Variants in ZNF341 observed in about 807,000 individuals in gnomAD.
ZNF341 encodes the protein zinc finger protein 341.
A neutral mutation model predicts 87.7 loss-of-function variants in ZNF341; 52 were observed. The observed-to-expected ratio is 0.59, with a 90% CI of 0.47 to 0.75. The LOEUF is 0.75. ZNF341 is among the 30% of genes least tolerant of loss of function. The pLI, the probability that ZNF341 is intolerant of heterozygous loss-of-function variation, is 0.00. For missense variants in ZNF341, 977 were observed against 1,145.9 expected (o/e 0.85, Z 2.13); for synonymous variants, 459 against 472.7 (o/e 0.97, Z 0.38).
chr20:33,781,233 C>A (rs542183776), intron 10 of ZNF341, 58 bp from the exon 11 acceptor site: 2 of 1,377,506 alleles, frequency 1.5e-6, no homozygotes, highest in South Asian at 2.3e-5. Flanking sequence ...GTGGCCGGGG[C>A]GCTGCTTCCT....
chr20:33,748,802 GTGCCA>G, intron 3 of ZNF341, 116 bp from the exon 4 acceptor site: 1 of 951,476 alleles, frequency 1.1e-6, no homozygotes, highest in Non-Finnish European at 1.5e-6. Context: ...TGGATCTTTT[GTGCCA>G]TGCCCTCGGC....
intron 2 of ZNF341, among the ~76,000 whole-genome samples, chr20:33,744,525 A>C (rs1175007651): frequency 1.3e-5 from 2 of 152,074 alleles, no homozygotes; most frequent in African/African-American, 4.8e-5. Flanking sequence ...AACATACTTT[A>C]CTGTTTTTTG....
chr20:33,770,712 G>A (rs1406329957), intron 10 of ZNF341, among the ~76,000 whole-genome samples: 2 of 152,152 alleles, frequency 1.3e-5, no homozygotes, highest in East Asian at 1.9e-4. Context: ...AGGGTGTGGC[G>A]GCCCACATCT....
At chr20:33,747,883 A>T (rs1641284465) in intron 3 of ZNF341, among the ~76,000 whole-genome samples, 1 of 150,328 alleles carries the variant, frequency 6.7e-6, no homozygotes, top group African/African-American at 2.4e-5. Flanking sequence ...TTTATTGGAG[A>T]TGGGGTTTCA....
intron 9 of ZNF341, among the ~76,000 whole-genome samples, chr20:33,768,846 G>A (rs553273876): frequency 9.2e-5 from 14 of 152,316 alleles, no homozygotes; most frequent in African/African-American, 2.9e-4. Flanking sequence ...ATCAAAGTAT[G>A]ATTTTCGAGA....
chr20:33,770,365 G>T, intron 10 of ZNF341, 73 bp downstream of exon 10: 1 of 1,473,854 alleles, frequency 6.8e-7, no homozygotes, highest in Admixed American at 1.9e-5. Context: ...TGTGGCCTTG[G>T]TGGTTCTGAC....
chr20:33,740,038 AT>A (rs2018768377), intron 1 of ZNF341, among the ~76,000 whole-genome samples: 1 of 152,076 alleles, frequency 6.6e-6, no homozygotes, highest in African/African-American at 2.4e-5. Context: ...CTAATTTTGT[AT>A]TTTTAGTAGA....
intron 12 of ZNF341, 68 bp downstream of exon 12, chr20:33,783,932 TTCTC>T: frequency 7.1e-7 from 1 of 1,408,176 alleles, no homozygotes; most frequent in South Asian, 1.3e-5. Context: ...CCTCATGCCT[TTCTC>T]TCTCTTCCCA....
intron 9 of ZNF341, among the ~76,000 whole-genome samples, chr20:33,767,714 T>A (rs1191325833): frequency 1.3e-5 from 2 of 151,418 alleles, no homozygotes; most frequent in Non-Finnish European, 3.0e-5. Flanking sequence ...CCAGTACATG[T>A]GCTCTATCAT....
chr20:33,752,302 TG>T, intron 4 of ZNF341: 1 of 607,182 alleles, frequency 1.6e-6, no homozygotes. Context: ...GGATGCAGTA[TG>T]GGACATTCTT....
intron 10 of ZNF341, among the ~76,000 whole-genome samples, chr20:33,779,411 A>G (rs1301988723): frequency 6.6e-6 from 1 of 151,086 alleles, no homozygotes; most frequent in African/African-American, 2.4e-5. Flanking sequence ...AGGTGGGGAC[A>G]CAGATACAAA....
chr20:33,788,786 G>A, intron 12 of ZNF341, 77 bp from the exon 13 acceptor site: 1 of 1,182,836 alleles, frequency 8.5e-7, no homozygotes, highest in Non-Finnish European at 1.3e-6. Flanking sequence ...CTCCCCTGAG[G>A]GGCCCAGCGG....
At chr20:33,756,943 T>C (rs1266218384) in intron 5 of ZNF341, among the ~76,000 whole-genome samples, 1 of 152,144 alleles carries the variant, frequency 6.6e-6, no homozygotes, top group African/African-American at 2.4e-5. Context: ...GCAGCCTGGC[T>C]CCATAGCTGT....
At chr20:33,757,425 G>T in intron 6 of ZNF341, 82 bp downstream of exon 6, 1 of 1,241,414 alleles carries the variant, frequency 8.1e-7, no homozygotes, top group East Asian at 2.9e-5. Flanking sequence ...TCCCTTTTAT[G>T]GTTGTTCAAG....
chr20:33,774,046 G>A (rs928618301), intron 10 of ZNF341, among the ~76,000 whole-genome samples: 2 of 150,902 alleles, frequency 1.3e-5, no homozygotes, highest in Non-Finnish European at 2.9e-5. Context: ...TTGGGAGTCC[G>A]AGGAGGGCAG....
At chr20:33,764,562 T>TATATATATATATATATATATA (rs1491532951) in intron 8 of ZNF341, among the ~76,000 whole-genome samples, 96 of 40,246 alleles carry the variant, frequency 2.4e-3, no homozygotes, top group East Asian at 6.5e-3. Context: ...TATATATATA[T>TATATATATATATATATATATA]TTTTTTTTTT....
rs954576696 is a variant in ZNF341 at position 33,744,135 on chromosome 20, T to C, written c.143-968T>C. On this transcript the variant is annotated intron_variant, in intron 2 of 14. Coordinates refer to ENST00000375200, the MANE Select transcript of ZNF341 (RefSeq NM_001282933.2). ...CCGTCTCTACTAAAAATACAAAAAT[T>C]AGCCGGGCGTGGTGGCGCATGCCTG... Among the ~76,000 whole-genome samples the C allele has an allele frequency of 2.0e-5, 3 of 151,778 alleles. No homozygotes were observed. In the East Asian group the frequency reaches 5.8e-4, roughly 29 times the overall value.
rs754461474 is a variant in ZNF341 at position 33,790,944 on chromosome 20, G to T, written c.2036-44G>T. 1.1e-5 allele frequency: 18 copies of T among 1,572,240 alleles called. No individual in the cohort carries two copies. The Admixed American group carries it at 2.8e-4, about 25-fold the overall frequency. The stretch of plus-strand genomic sequence containing the variant: ...TCCCAGCGCAGGGCACTGTTGCGGG[G>T]TGAAGGTCTGGATGCTTCTCACTGA... On this transcript the variant is annotated intron_variant, in intron 14 of 14. Transcript: ENST00000375200.
Position 33,788,953 on chromosome 20 carries a change from A to G in ZNF341, c.1943A>G (p.Lys648Arg), listed in dbSNP as rs766030942. The change falls in exon 13 of 15, where the codon AAG becomes AGG. Residue 648 changes from lysine (K) to arginine (R), a missense_variant. Coordinates refer to ENST00000375200, the MANE Select transcript of ZNF341 (RefSeq NM_001282933.2). ...CACATGTTGATCCACGAGCCCTTCA[A>G]GAAATACAAATGCCCTTTCTCGTGA... is the stretch of plus-strand genomic sequence containing the variant. ...KRHMLIHEPFKKYKCPFSTHT... is the reference protein window; with the variant it reads ...KRHMLIHEPFRKYKCPFSTHT... The G allele has an allele frequency of 1.3e-5, 21 of 1,613,852 alleles. No homozygotes were observed. The African/African-American group carries it at 2.1e-4, about 16-fold the overall frequency.
Sources: gnomAD v4.1 joint callset for allele counts (sites outside exome capture counted in the v4.1 genomes callset) on GRCh38, gnomAD v4.1.1 for gene constraint, MANE v1.5 for transcripts, NCBI Gene and HGNC (gene_info 2026-07-23, HGNC 2026-07-21) for gene names.